Variants in EXOC2 observed in about 807,000 individuals in gnomAD.
The protein encoded by EXOC2 is SEC5-like 1.
Under a neutral mutation model 131.8 loss-of-function variants are expected in EXOC2, and 70 were observed. The ratio of observed to expected loss-of-function variants is 0.53; its 90% CI spans 0.44 to 0.65. The LOEUF (loss-of-function observed/expected upper bound fraction) is 0.65. Among genes scored for constraint, EXOC2 ranks in the 30% least tolerant of loss-of-function variants. The pLI, the probability that EXOC2 is intolerant of heterozygous loss-of-function variation, is 0.00. For synonymous variants in EXOC2, 411 were observed against 398.4 expected (o/e 1.03, Z -0.38); for missense variants, 923 against 1,108.6 (o/e 0.83, Z 2.38).
At chr6:620,853 T>C (rs1395677397) in intron 4 of EXOC2, among the ~76,000 whole-genome samples, 2 of 152,176 alleles carry the variant, frequency 1.3e-5, no homozygotes, top group Admixed American at 1.3e-4. Flanking sequence ...GAGACAAGAA[T>C]GGAATGTCCT....
At chr6:688,375 T>C (rs1448663271) in intron 1 of EXOC2, among the ~76,000 whole-genome samples, 1 of 152,068 alleles carries the variant, frequency 6.6e-6, no homozygotes, top group Non-Finnish European at 1.5e-5. Context: ...AGGTCAAGCA[T>C]TACAGGAGGC....
Position 599,087 on chromosome 6 carries a change from A to G in EXOC2, c.881T>C (p.Ile294Thr). 6.2e-7 allele frequency: 1 copy of G among 1,610,544 alleles called. No individual in the cohort carries two copies. The highest frequency in any genetic ancestry group is 1.7e-5 in the Admixed American group (1 of 59,730). Residue 294 changes from isoleucine to threonine, a missense_variant, in exon 8 of 28, where the codon ATT becomes ACT. Physicochemically the swap from Ile to Thr is moderately conservative, Grantham distance 89. Transcript: ENST00000230449. ...AATAAACATGTACTCTACCTTTTGAATATTCCTTTCAATATTTAGAGGAAG... is the reference window on the plus strand; with the variant it reads ...AATAAACATGTACTCTACCTTTTGAGTATTCCTTTCAATATTTAGAGGAAG... ...FNLPLNIERN[I>T]QKGDYDVVIN...
intron 2 of EXOC2, among the ~76,000 whole-genome samples, chr6:635,397 T>C (rs1467480627): frequency 2.0e-5 from 3 of 152,262 alleles, no homozygotes; most frequent in Non-Finnish European, 2.9e-5. Flanking sequence ...TCTGATTTAA[T>C]ATCTGTTGTG....
At chr6:589,893 T>C (rs574300767) in intron 11 of EXOC2, among the ~76,000 whole-genome samples, 1 of 152,184 alleles carries the variant, frequency 6.6e-6, no homozygotes, top group South Asian at 2.1e-4. Context: ...GATCACGAGG[T>C]CAGGAGATCG....
In EXOC2 at chr6:631,722, TACA is replaced by T. The variant is rs141726563; in HGVS notation, c.295+1216_295+1218del. On this transcript the variant is annotated intron_variant, in intron 3 of 27. Coordinates refer to ENST00000230449, the MANE Select transcript of EXOC2 (RefSeq NM_018303.6). ...ATGTTTAAGTCCCTCTAGAAAACTG[TACA>T]ACAAGTTCCTGCTTTAGTTTCAGTT... is the stretch of plus-strand genomic sequence containing the variant. 2.8e-3 allele frequency among the ~76,000 whole-genome samples: 424 copies of T among 152,284 alleles called. 1 individual carries two copies. The highest frequency in any genetic ancestry group is 7.2e-3 in the Admixed American group (110 of 15,300).
At chr6:614,478 A>G (rs974071484) in intron 6 of EXOC2, among the ~76,000 whole-genome samples, 5 of 152,170 alleles carry the variant, frequency 3.3e-5, no homozygotes, top group Non-Finnish European at 7.3e-5. Flanking sequence ...ATGAATCTCT[A>G]TCCCTGGCTG....
intron 22 of EXOC2, among the ~76,000 whole-genome samples, chr6:538,151 G>A (rs1290453309): frequency 1.3e-5 from 2 of 152,232 alleles, no homozygotes; most frequent in Non-Finnish European, 2.9e-5. Context: ...TAGAATGGCA[G>A]TATTAATGTG....
chr6:487,159 C>T (rs1016055515), intron 27 of EXOC2, among the ~76,000 whole-genome samples: 1 of 152,174 alleles, frequency 6.6e-6, no homozygotes, highest in African/African-American at 2.4e-5. Flanking sequence ...CAGGCTACAG[C>T]ACGTGGCATG....
intron 13 of EXOC2, among the ~76,000 whole-genome samples, chr6:571,201 A>T (rs1295175542): frequency 6.6e-6 from 1 of 152,260 alleles, no homozygotes; most frequent in Non-Finnish European, 1.5e-5. Context: ...ACTAACAAAG[A>T]AAAGAAAGTT....
In EXOC2 at chr6:532,556, C is replaced by G. The variant is rs768135403; in HGVS notation, c.2293G>C (p.Glu765Gln). ...CCAACGATGGGATCTGCTTTCAACT[C>G]GATGTAATTTTCAAAGAGTCTTTGA... ...LDQRLFENYI[E>Q]LKADPIVGSL... The change falls in exon 23 of 28, where the codon GAG becomes CAG. Residue 765 changes from glutamate to glutamine, a missense_variant. Physicochemically the swap from Glu to Gln is conservative, Grantham distance 29. Transcript: ENST00000230449. 6.2e-7 allele frequency: 1 copy of G among 1,609,102 alleles called. No homozygotes were observed. The highest frequency in any genetic ancestry group is 8.5e-7 in the Non-Finnish European group (1 of 1,178,394).
chr6:610,145 T>C lies in EXOC2; in HGVS notation c.695A>G (p.Glu232Gly). Residue 232 changes from glutamate (E) to glycine (G), a missense_variant, in exon 7 of 28, where the codon GAA becomes GGA. By Grantham distance (98) the Glu-to-Gly change is moderately conservative (BLOSUM62 -2). Coordinates refer to ENST00000230449, the MANE Select transcript of EXOC2 (RefSeq NM_018303.6). The stretch of plus-strand genomic sequence containing the variant: ...CTGCGTCATGGATCCTTCTACTTTT[T>C]CCGTTCCATCTGCTTCTAGTTTTTG... The part of the protein sequence containing the change: ...IHQKLEADGT[E>G]KVEGSMTQKL... 1 of 1,614,078 alleles carries C rather than the reference T, an allele frequency of 6.2e-7. No homozygotes were observed. The highest frequency in any genetic ancestry group is 1.1e-5 in the South Asian group (1 of 91,070).
At chr6:532,242 A>C (rs895590517) in intron 23 of EXOC2, among the ~76,000 whole-genome samples, 2 of 152,258 alleles carry the variant, frequency 1.3e-5, no homozygotes, top group African/African-American at 4.8e-5. Flanking sequence ...AGTTATCATT[A>C]ATTATTCTCT....
In EXOC2 at chr6:599,022, A is replaced by C. The variant is rs1759976894; in HGVS notation, c.888+58T>G. The C allele has an allele frequency of 3.8e-6, 6 of 1,566,156 alleles. No individual in the cohort carries two copies. In the Admixed American group the frequency reaches 1.2e-4, roughly 31 times the overall value. On this transcript the variant is annotated intron_variant, in intron 8 of 27. Transcript: ENST00000230449. ...GGTTAATATAAAAAACATCTTAAAA[A>C]ATCTTAAAAATGTATGACATCTACA... is the stretch of plus-strand genomic sequence containing the variant.
chr6:587,698 C>T (rs550279567), intron 11 of EXOC2, among the ~76,000 whole-genome samples: 8 of 152,342 alleles, frequency 5.3e-5, no homozygotes, highest in South Asian at 4.1e-4. Flanking sequence ...GTTCTGTCCG[C>T]GTCTGTGCCG....
intron 1 of EXOC2, among the ~76,000 whole-genome samples, chr6:673,419 T>G (rs1430235539): frequency 6.6e-6 from 1 of 152,158 alleles, no homozygotes; most frequent in Non-Finnish European, 1.5e-5. Context: ...GCTATGAAAC[T>G]GCAGCAGTGT....
chr6:509,764 G>A (rs1231619028), intron 23 of EXOC2, among the ~76,000 whole-genome samples: 2 of 152,090 alleles, frequency 1.3e-5, no homozygotes, highest in Non-Finnish European at 2.9e-5. Context: ...TGGAAAGACG[G>A]CTCCTTTAAA....
At chr6:589,728 G>A (rs1033763789) in intron 11 of EXOC2, among the ~76,000 whole-genome samples, 2 of 152,240 alleles carry the variant, frequency 1.3e-5, no homozygotes, top group Admixed American at 1.3e-4. Flanking sequence ...CCGGGAGCTT[G>A]AAATTGCCTG....
At chr6:507,781 A>G (rs1020685779) in intron 23 of EXOC2, among the ~76,000 whole-genome samples, 1 of 152,218 alleles carries the variant, frequency 6.6e-6, no homozygotes, top group Non-Finnish European at 1.5e-5. Context: ...TGTAAAATAA[A>G]AAGTGTTCTA....
At chr6:583,576 C>T (rs368362519) in intron 11 of EXOC2, among the ~76,000 whole-genome samples, 15 of 152,338 alleles carry the variant, frequency 9.8e-5, no homozygotes, top group East Asian at 7.7e-4. Context: ...CAAATGAGTG[C>T]TATGCTATTC....
Sources: gnomAD v4.1 joint callset for allele counts (sites outside exome capture counted in the v4.1 genomes callset) on GRCh38, gnomAD v4.1.1 for gene constraint, MANE v1.5 for transcripts, NCBI Gene and HGNC (gene_info 2026-07-23, HGNC 2026-07-21) for gene names.